The following JMJD7 variants were observed in gnomAD, a reference collection of about 807,000 sequenced individuals.
The protein encoded by JMJD7 is bifunctional peptidase and (3S)-lysyl hydroxylase JMJD7.
JMJD7 carries 41 observed loss-of-function variants against 41.1 expected under a neutral mutation model. That is an observed-to-expected ratio of 1.00 (90% confidence interval 0.78 to 1.30). The LOEUF (loss-of-function observed/expected upper bound fraction) is 1.30. Ranked by LOEUF, JMJD7 falls within the 50% of genes most tolerant of loss-of-function variation. The pLI, the probability that JMJD7 is intolerant of heterozygous loss-of-function variation, is 0.00. For missense variants in JMJD7, 480 were observed against 420.7 expected (o/e 1.14, Z -1.23); for synonymous variants, 202 against 177.2 (o/e 1.14, Z -1.11).
chr15:41,828,545 C>A (rs1374109498), intron 1 of JMJD7: 4 of 223,226 alleles, frequency 1.8e-5, no homozygotes, highest in Non-Finnish European at 2.6e-5. Flanking sequence ...CCTCAACTCC[C>A]TTGTCGCACT....
At position 41,837,237 on chromosome 15, in the gene JMJD7, C is replaced by A; in HGVS notation, c.*81C>A. ...CTGGCCAGGTCAATTCTCGAGAGAG[C>A]CTGGAGTGTGCATGCTGGCTGCTGG... On this transcript the variant is annotated 3_prime_UTR_variant, in exon 8 of 8. Coordinates refer to ENST00000397299, the MANE Select transcript of JMJD7 (RefSeq NM_001114632.2). The A allele has an allele frequency of 1.0e-6, 1 of 974,748 alleles. No homozygotes were observed. Among genetic ancestry groups the A allele is most frequent in the Non-Finnish European group, 1.6e-6 (1 of 632,528 alleles). The allele number at this position is 974,748 out of a possible 1,614,324, so 60.4% of individuals were successfully genotyped here. A position where few individuals can be genotyped will look rare whatever the true frequency, so the allele number is the denominator to read the frequency against.
chr15:41,829,810 G>A (rs2140873028), intron 1 of JMJD7, among the ~76,000 whole-genome samples: 2 of 152,354 alleles, frequency 1.3e-5, no homozygotes, highest in East Asian at 3.9e-4. Flanking sequence ...ACTCACGCCT[G>A]TAATCCTAGC....
chr15:41,834,504 G>T (rs1489878038), intron 1 of JMJD7, among the ~76,000 whole-genome samples: 1 of 152,272 alleles, frequency 6.6e-6, no homozygotes, highest in Admixed American at 6.5e-5. Flanking sequence ...TATGGGCTGG[G>T]TAGCAGCCTC....
At chr15:41,833,287 C>G (rs2065254881) in intron 1 of JMJD7, among the ~76,000 whole-genome samples, 1 of 151,250 alleles carries the variant, frequency 6.6e-6, no homozygotes, top group Non-Finnish European at 1.5e-5. Flanking sequence ...AGGTACTGTT[C>G]TAGGTCCCAG....
At chr15:41,834,629 G>C in intron 1 of JMJD7, 111 bp from the exon 2 acceptor site, 1 of 1,486,826 alleles carries the variant, frequency 6.7e-7, no homozygotes, top group Non-Finnish European at 9.0e-7. Flanking sequence ...GGTCACCAAC[G>C]AGCATTTCCC....
chr15:41,833,921 G>A, intron 1 of JMJD7, among the ~76,000 whole-genome samples: 1 of 152,156 alleles, frequency 6.6e-6, no homozygotes, highest in African/African-American at 2.4e-5. Flanking sequence ...GAGACGGTGG[G>A]TTTGAGAGAC....
chr15:41,837,001 G>C (rs563596328), intron 7 of JMJD7, 61 bp downstream of exon 7: 7 of 1,609,474 alleles, frequency 4.3e-6, no homozygotes, highest in African/African-American at 4.0e-5. Flanking sequence ...GGGCCTCTGG[G>C]GGGAGGCTTG....
chr15:41,828,201 C>A lies in JMJD7; in HGVS notation c.64+13C>A. On this transcript the variant is annotated intron_variant, in intron 1 of 7. Transcript: ENST00000397299. ...GCCGCTGCAAGGGGTGAGTGGCTCT[C>A]CCACAGGCTGCGGCGATTTCCGAAC... The A allele has an allele frequency of 6.7e-7, 1 of 1,503,420 alleles. No individual in the cohort carries two copies. The allele number at this position is 1,503,420 out of a possible 1,614,324, so 93.1% of individuals were successfully genotyped here. A position where few individuals can be genotyped will look rare whatever the true frequency, so the allele number is the denominator to read the frequency against.
chr15:41,837,124 G>C lies in JMJD7; in HGVS notation c.919G>C (p.Asp307His). Residue 307 changes from aspartate to histidine, a missense_variant, in exon 8 of 8, where the codon GAC becomes CAC. By Grantham distance (81) the Asp-to-His change is moderately conservative. Transcript: ENST00000397299. The stretch of plus-strand genomic sequence containing the variant: ...CAAGTATAGTTACTTCCAGCTGCTC[G>C]ACTCCCTCACCAAGGCTTCAGGCCT... Reference protein sequence around the residue: ...DLKYSYFQLLDSLTKASGLD With the variant: ...DLKYSYFQLLHSLTKASGLD The C allele has an allele frequency of 6.2e-7, 1 of 1,613,194 alleles. No homozygotes were observed. The highest frequency in any genetic ancestry group is 8.5e-7 in the Non-Finnish European group (1 of 1,179,524).
chr15:41,830,457 G>A (rs1327558130), intron 1 of JMJD7, among the ~76,000 whole-genome samples: 2 of 152,262 alleles, frequency 1.3e-5, no homozygotes, highest in Non-Finnish European at 2.9e-5. Context: ...GTTCCACAGA[G>A]CTGGCGGGAA....
At chr15:41,829,998 C>G (rs1017514051) in intron 1 of JMJD7, among the ~76,000 whole-genome samples, 1 of 152,198 alleles carries the variant, frequency 6.6e-6, no homozygotes, top group Non-Finnish European at 1.5e-5. Context: ...GAAGCAGATG[C>G]TGTCATCATG....
intron 1 of JMJD7, chr15:41,829,198 G>A (rs1352703126): frequency 6.6e-6 from 1 of 152,268 alleles, no homozygotes; most frequent in African/African-American, 2.4e-5. Flanking sequence ...AGGTTAGAAG[G>A]TAAGTGCAGG....
At chr15:41,833,410 A>ATGTTTTTT (rs1465192714) in intron 1 of JMJD7, among the ~76,000 whole-genome samples, 1 of 39,714 alleles carries the variant, frequency 2.5e-5, no homozygotes, top group Non-Finnish European at 5.8e-5. Context: ...ATATATATAT[A>ATGTTTTTT]TATATTTTTT....
Position 41,835,043 on chromosome 15 carries a change from C to T in JMJD7, c.292C>T (p.Arg98Cys), listed in dbSNP as rs901154958. The change falls in exon 3 of 8, where the codon CGC becomes TGC. Residue 98 changes from arginine to cysteine, a missense_variant. Transcript: ENST00000397299. ...TTACGCGGATGCCGTGAGAGGGGATCGCTTCATGATGCCAGCTGAGCGCCG... is the reference window on the plus strand; with the variant it reads ...TTACGCGGATGCCGTGAGAGGGGATTGCTTCATGATGCCAGCTGAGCGCCG... The part of the protein sequence containing the change: ...DGYADAVRGD[R>C]FMMPAERRLP... 13 of 1,613,832 alleles carry T rather than the reference C, an allele frequency of 8.1e-6. No homozygotes were observed. The highest frequency in any genetic ancestry group is 1.6e-4 in the Middle Eastern group (1 of 6,084).
chr15:41,828,158 G>C lies in JMJD7; in HGVS notation c.34G>C (p.Glu12Gln), dbSNP rs747285917. Residue 12 changes from glutamate (E) to glutamine (Q), a missense_variant, in exon 1 of 8, where the codon GAG (glutamate) becomes CAG (glutamine). Transcript: ENST00000397299. ...AEAALEAVRS[E>Q]LREFPAAARE... ...GGCGGCTTTGGAAGCCGTGCGGAGC[G>C]AGTTACGAGAATTCCCGGCCGCTGC... 5.4e-6 allele frequency: 8 copies of C among 1,489,772 alleles called. No individual in the cohort carries two copies. The highest frequency in any genetic ancestry group is 6.2e-6 in the Non-Finnish European group (7 of 1,128,032). 92.3% of individuals were successfully genotyped at this position (1,489,772 alleles called of 1,614,324 possible). A position where few individuals can be genotyped will look rare whatever the true frequency, so the allele number is the denominator to read the frequency against.
In JMJD7 at chr15:41,837,190, G is replaced by A. The variant is rs767817014; in HGVS notation, c.*34G>A. The stretch of plus-strand genomic sequence containing the variant: ...TGGTGAACACCACCAAGCACGCCTC[G>A]GGGGACGGAGCCAGCCCCTCCCTGG... On this transcript the variant is annotated 3_prime_UTR_variant, in exon 8 of 8. Coordinates refer to ENST00000397299, the MANE Select transcript of JMJD7 (RefSeq NM_001114632.2). The A allele has an allele frequency of 2.4e-5, 35 of 1,476,264 alleles. No individual in the cohort carries two copies. Among genetic ancestry groups the A allele is most frequent in the South Asian group, 5.9e-5 (5 of 85,352 alleles). 91.4% of individuals were successfully genotyped at this position (1,476,264 alleles called of 1,614,324 possible). A position where few individuals can be genotyped will look rare whatever the true frequency, so the allele number is the denominator to read the frequency against.
Position 41,835,313 on chromosome 15 carries a change from C to T in JMJD7, c.472+90C>T. 2.7e-6 allele frequency: 4 copies of T among 1,499,158 alleles called. 1 individual carries two copies. The South Asian group carries it at 5.1e-5, about 19-fold the overall frequency. The allele number at this position is 1,499,158 out of a possible 1,614,324, so 92.9% of individuals were successfully genotyped here. On this transcript the variant is annotated intron_variant, in intron 3 of 7. Coordinates refer to ENST00000397299, the MANE Select transcript of JMJD7 (RefSeq NM_001114632.2). ...TGTTTGCCCTTAGGTGATGACCTGG[C>T]CTATGGGCTTGGTCCTGTCAGCATC...
chr15:41,833,864 G>A (rs2065269938), intron 1 of JMJD7, among the ~76,000 whole-genome samples: 1 of 152,192 alleles, frequency 6.6e-6, no homozygotes, highest in African/African-American at 2.4e-5. Context: ...ATATTTGAGT[G>A]AGGACCCAAA....
chr15:41,834,765 C>G lies in JMJD7; in HGVS notation c.90C>G (p.Pro30=), dbSNP rs2065283116. The change falls in exon 2 of 8, where the codon CCC becomes CCG. Residue 30 remains proline (P), a synonymous_variant. Coordinates refer to ENST00000397299, the MANE Select transcript of JMJD7 (RefSeq NM_001114632.2). ...ARELCVPLAV[P]YLDKPPTPLH... ...AGCTCTGCGTGCCTCTTGCTGTGCC[C>G]TACCTGGACAAACCCCCAACTCCGC... 2 of 1,614,182 alleles carry G rather than the reference C, an allele frequency of 1.2e-6. No homozygotes were observed. Among genetic ancestry groups the G allele is most frequent in the Non-Finnish European group, 8.5e-7 (1 of 1,180,034 alleles).
Sources: gnomAD v4.1 joint callset for allele counts (sites outside exome capture counted in the v4.1 genomes callset) on GRCh38, gnomAD v4.1.1 for gene constraint, MANE v1.5 for transcripts, NCBI Gene and HGNC (gene_info 2026-07-23, HGNC 2026-07-21) for gene names.